KCNH8: variants seen among roughly 807,000 people sequenced by gnomAD.
KCNH8 encodes potassium voltage-gated channel subfamily H member 8.
Under a neutral mutation model 103.6 loss-of-function variants are expected in KCNH8, and 70 were observed. That is an observed-to-expected ratio of 0.68 (90% CI 0.56 to 0.82). The LOEUF is 0.82. Ranked by LOEUF, KCNH8 falls within the 40% of genes least tolerant of loss-of-function variation. The pLI, the probability that KCNH8 is intolerant of heterozygous loss-of-function variation, is 0.00. For missense variants in KCNH8, 1,217 were observed against 1,329.9 expected, an observed-to-expected ratio of 0.92 and a Z score of 1.32; for synonymous variants, 498 against 489.4, an observed-to-expected ratio of 1.02 and a Z score of -0.23.
intron 11 of KCNH8, among the ~76,000 whole-genome samples, chr3:19,457,376 G>C (rs563035678): frequency 4.5e-4 from 68 of 152,084 alleles, no homozygotes; most frequent in Middle Eastern, 3.4e-3. Flanking sequence ...GCTTGACATA[G>C]ATTTTGCTTA....
intron 3 of KCNH8, among the ~76,000 whole-genome samples, chr3:19,308,690 CTCTCTCTCTCT>C (rs1575515088): frequency 1.8e-4 from 13 of 70,320 alleles, no homozygotes; most frequent in African/African-American, 9.1e-4. Context: ...CTCTCTCTCT[CTCTCTCTCTCT>C]CTCTCTCTCT....
At chr3:19,415,115 CATT>C (rs2066843010) in intron 7 of KCNH8, among the ~76,000 whole-genome samples, 1 of 151,868 alleles carries the variant, frequency 6.6e-6, no homozygotes, top group South Asian at 2.1e-4. Flanking sequence ...TATTTTGTCT[CATT>C]AACTTCTATG....
At chr3:19,265,023 G>T (rs2125261719) in intron 2 of KCNH8, among the ~76,000 whole-genome samples, 1 of 152,158 alleles carries the variant, frequency 6.6e-6, no homozygotes, top group South Asian at 2.1e-4. Flanking sequence ...GACAGGGGAT[G>T]GTAGGCATGC....
At chr3:19,473,037 C>T (rs908319125) in intron 11 of KCNH8, among the ~76,000 whole-genome samples, 5 of 152,090 alleles carry the variant, frequency 3.3e-5, no homozygotes, top group Non-Finnish European at 1.5e-5. Flanking sequence ...TATTTTTTGG[C>T]TTCCCAAACA....
chr3:19,213,823 C>T (rs528465894), intron 1 of KCNH8, among the ~76,000 whole-genome samples: 8 of 152,260 alleles, frequency 5.3e-5, no homozygotes, highest in African/African-American at 1.9e-4. Flanking sequence ...TCAGAATGGT[C>T]CTGGTATTGG....
chr3:19,354,581 T>C (rs570143234), intron 5 of KCNH8, among the ~76,000 whole-genome samples: 9 of 152,062 alleles, frequency 5.9e-5, no homozygotes, highest in East Asian at 1.9e-4. Flanking sequence ...ATACCACACA[T>C]GTACAACCAT....
chr3:19,378,113 C>T (rs2066237339), intron 5 of KCNH8, among the ~76,000 whole-genome samples: 1 of 152,198 alleles, frequency 6.6e-6, no homozygotes, highest in South Asian at 2.1e-4. Context: ...GTGGTTCTAC[C>T]ATCTTTAATG....
intron 8 of KCNH8, among the ~76,000 whole-genome samples, chr3:19,444,393 T>C (rs1434089141): frequency 6.6e-6 from 1 of 151,926 alleles, no homozygotes; most frequent in African/African-American, 2.4e-5. Flanking sequence ...GGGAAAACAA[T>C]GAAACTTCTA....
intron 1 of KCNH8, among the ~76,000 whole-genome samples, chr3:19,170,606 A>G (rs937204368): frequency 3.5e-5 from 5 of 142,016 alleles, no homozygotes; most frequent in Non-Finnish European, 4.5e-5. Context: ...ATATATATAT[A>G]TATGTATACA....
intron 11 of KCNH8, among the ~76,000 whole-genome samples, chr3:19,463,261 A>G (rs2067670371): frequency 6.6e-6 from 1 of 152,162 alleles, no homozygotes; most frequent in Admixed American, 6.5e-5. Context: ...ATGATAATTC[A>G]TTGCAAAAGT....
At chr3:19,368,211 C>G (rs976730898) in intron 5 of KCNH8, among the ~76,000 whole-genome samples, 1 of 152,006 alleles carries the variant, frequency 6.6e-6, no homozygotes, top group African/African-American at 2.4e-5. Context: ...AAGACACTCT[C>G]CCTGTATTCA....
At chr3:19,293,511 T>G (rs1269255386) in intron 3 of KCNH8, among the ~76,000 whole-genome samples, 5 of 152,202 alleles carry the variant, frequency 3.3e-5, no homozygotes, top group Non-Finnish European at 7.3e-5. Flanking sequence ...GATTAGACCT[T>G]TCGATCAGAA....
chr3:19,369,837 C>G lies in KCNH8; in HGVS notation c.812-20644C>G, dbSNP rs568079008. 2.6e-5 allele frequency among the ~76,000 whole-genome samples: 4 copies of G among 152,102 alleles called. No homozygotes were observed. In the East Asian group the frequency reaches 7.7e-4, roughly 29 times the overall value. ...CCTCCTAACCACCTATTTTTGCACT[C>G]TCCCTTATTATTCTTGACGCTGCTT... is the stretch of plus-strand genomic sequence containing the variant. On this transcript the variant is annotated intron_variant, in intron 5 of 15. Transcript: ENST00000328405.
At chr3:19,469,445 GTTTT>G (rs1333746464) in intron 11 of KCNH8, among the ~76,000 whole-genome samples, 1 of 151,788 alleles carries the variant, frequency 6.6e-6, no homozygotes, top group African/African-American at 2.4e-5. Context: ...GTTGTTTTTT[GTTTT>G]TTGTTTTTGA....
intron 11 of KCNH8, among the ~76,000 whole-genome samples, chr3:19,504,370 A>G (rs959749459): frequency 3.9e-5 from 6 of 152,234 alleles, no homozygotes; most frequent in Non-Finnish European, 8.8e-5. Context: ...GCTTCTGCAC[A>G]ACAAAAGACA....
chr3:19,378,490 A>C (rs2066243585), intron 5 of KCNH8, among the ~76,000 whole-genome samples: 2 of 152,222 alleles, frequency 1.3e-5, no homozygotes, highest in Admixed American at 1.3e-4. Flanking sequence ...CTCAAAGAAA[A>C]TATGAAGTAA....
chr3:19,174,832 T>C (rs866453742), intron 1 of KCNH8, among the ~76,000 whole-genome samples: 3 of 152,236 alleles, frequency 2.0e-5, no homozygotes, highest in African/African-American at 4.8e-5. Context: ...GTAAATAGTA[T>C]GTGCCTGTTT....
intron 11 of KCNH8, among the ~76,000 whole-genome samples, chr3:19,489,973 G>C (rs1247045206): frequency 6.6e-6 from 1 of 152,198 alleles, no homozygotes. Context: ...CCAAGTTTCA[G>C]ATGTCCGGAC....
At chr3:19,378,255 G>A (rs6806328) in intron 5 of KCNH8, among the ~76,000 whole-genome samples, 23,861 of 152,216 alleles carry the variant, frequency 0.16, 2,519 homozygotes, top group Middle Eastern at 0.3. Context: ...GCTCAGTCAT[G>A]TGACCATAAT....
Sources: allele counts gnomAD v4.1 joint callset (sites outside exome capture counted in the v4.1 genomes callset), GRCh38; gene constraint gnomAD v4.1.1; transcripts MANE v1.5; gene names NCBI Gene and HGNC (gene_info 2026-07-23, HGNC 2026-07-21).